GNB1: variants seen among roughly 807,000 people sequenced by gnomAD.
GNB1 encodes guanine nucleotide-binding protein G(I)/G(S)/G(T) subunit beta-1.
In GNB1, 2 loss-of-function variants were observed where a neutral mutation model predicts 42.9. The ratio of observed to expected loss-of-function variants is 0.05; its 90% CI spans 0.02 to 0.15. GNB1 has a LOEUF of 0.15. GNB1 is among the 10% of genes least tolerant of loss of function. GNB1 has a pLI of 1.00. For missense variants in GNB1, 193 were observed against 462.2 expected (o/e 0.42, Z 5.34); for synonymous variants, 183 against 174.7 (o/e 1.05, Z -0.38).
rs1210253984 is a variant in GNB1 at position 1,801,404 on chromosome 1, C to A, written c.430+3015G>T. Among the ~76,000 whole-genome samples the A allele has an allele frequency of 2.0e-5, 3 of 152,142 alleles. No homozygotes were observed. The East Asian group carries it at 5.8e-4, about 29-fold the overall frequency. ...AGAATGTTTAAAGTAAAGAATACAACAATGCATCATGGAGCTAATAACACA... is the reference window on the plus strand; with the variant it reads ...AGAATGTTTAAAGTAAAGAATACAAAAATGCATCATGGAGCTAATAACACA... On this transcript the variant is annotated intron_variant, in intron 7 of 11. Transcript: ENST00000378609.
At chr1:1,888,539 G>C (rs186193920) in intron 1 of GNB1, among the ~76,000 whole-genome samples, 1 of 152,236 alleles carries the variant, frequency 6.6e-6, no homozygotes, top group East Asian at 1.9e-4. Context: ...CTAATCGTTA[G>C]AAAGTTCTGC....
intron 1 of GNB1, among the ~76,000 whole-genome samples, chr1:1,843,643 G>A (rs1570702317): frequency 6.6e-6 from 1 of 152,206 alleles, no homozygotes; most frequent in East Asian, 1.9e-4. Context: ...GAGTTGTCTG[G>A]ACCCATTTCT....
At chr1:1,890,095 G>A (rs1172632788) in intron 1 of GNB1, among the ~76,000 whole-genome samples, 3 of 152,064 alleles carry the variant, frequency 2.0e-5, no homozygotes, top group Admixed American at 6.5e-5. Flanking sequence ...CCGGGCCGGG[G>A]TCCGCGCAAC....
At position 1,883,172 on chromosome 1, in the gene GNB1, T is replaced by C. The variant is rs374776898; in HGVS notation, c.-96+7648A>G. Among the ~76,000 whole-genome samples the C allele has an allele frequency of 2.5e-4, 38 of 149,094 alleles. 1 individual carries two copies. In the South Asian group the frequency reaches 3.8e-3, roughly 15 times the overall value. Reference sequence around the variant, plus strand: ...CCGTGGTCCTAGCTACTTGTGAGACTGAGAGAAGAAGATCGTATGAGCCCA... The same window carrying C: ...CCGTGGTCCTAGCTACTTGTGAGACCGAGAGAAGAAGATCGTATGAGCCCA... On this transcript the variant is annotated intron_variant, in intron 1 of 11. Transcript: ENST00000378609.
At chr1:1,830,321 C>G (rs540774418) in intron 2 of GNB1, among the ~76,000 whole-genome samples, 1 of 150,618 alleles carries the variant, frequency 6.6e-6, no homozygotes, top group African/African-American at 2.4e-5. Flanking sequence ...AGTGCAGTGG[C>G]GCGATCTCAG....
intron 1 of GNB1, among the ~76,000 whole-genome samples, chr1:1,869,101 G>A (rs1649105942): frequency 7.0e-6 from 1 of 142,160 alleles, no homozygotes. Flanking sequence ...CAGGAGAATG[G>A]CATGAACCCA....
chr1:1,799,761 G>C (rs566928524), intron 7 of GNB1, among the ~76,000 whole-genome samples: 1 of 152,188 alleles, frequency 6.6e-6, no homozygotes, highest in Admixed American at 6.5e-5. Flanking sequence ...TCTGAGGAGG[G>C]GACTGTCTGT....
intron 2 of GNB1, among the ~76,000 whole-genome samples, chr1:1,834,748 A>T (rs900749697): frequency 1.1e-4 from 16 of 148,916 alleles, no homozygotes; most frequent in African/African-American, 3.0e-4. Flanking sequence ...GGCTCAGTGC[A>T]ACCTCCGCCT....
chr1:1,871,378 T>C (rs1490484859), intron 1 of GNB1, among the ~76,000 whole-genome samples: 1 of 152,094 alleles, frequency 6.6e-6, no homozygotes, highest in Non-Finnish European at 1.5e-5. Flanking sequence ...GAGTATTGCT[T>C]GAACGTAGGA....
intron 2 of GNB1, among the ~76,000 whole-genome samples, chr1:1,836,574 A>G (rs1647153512): frequency 6.6e-6 from 1 of 150,404 alleles, no homozygotes; most frequent in Non-Finnish European, 1.5e-5. Context: ...TTTTTTGGAG[A>G]CAGTCTCGCT....
intron 1 of GNB1, among the ~76,000 whole-genome samples, chr1:1,845,132 A>G (rs981696863): frequency 6.6e-6 from 1 of 152,200 alleles, no homozygotes; most frequent in Non-Finnish European, 1.5e-5. Flanking sequence ...ATAAAAAGAT[A>G]ACAATACCTG....
chr1:1,839,840 C>T (rs1647201031), intron 1 of GNB1, among the ~76,000 whole-genome samples: 1 of 151,832 alleles, frequency 6.6e-6, no homozygotes, highest in South Asian at 2.1e-4. Flanking sequence ...GGTGACAGAG[C>T]AAGAATCTGT....
chr1:1,856,405 T>C (rs1648300546), intron 1 of GNB1, among the ~76,000 whole-genome samples: 1 of 152,164 alleles, frequency 6.6e-6, no homozygotes, highest in Non-Finnish European at 1.5e-5. Context: ...ATAACAGGCA[T>C]AAGCCACTGC....
At chr1:1,794,790 A>G (rs1355770367) in intron 7 of GNB1, among the ~76,000 whole-genome samples, 2 of 152,180 alleles carry the variant, frequency 1.3e-5, no homozygotes, top group Non-Finnish European at 2.9e-5. Flanking sequence ...TCCCAGGTCA[A>G]GCGATTCTCC....
At chr1:1,815,960 T>C (rs768586739) in intron 4 of GNB1, 98 bp from the exon 5 acceptor site, 1 of 737,862 alleles carries the variant, frequency 1.4e-6, no homozygotes, top group African/African-American at 1.7e-5. Flanking sequence ...CCACTGTGCC[T>C]ACCTCTTCCC....
intron 5 of GNB1, among the ~76,000 whole-genome samples, chr1:1,812,060 C>T (rs1406620773): frequency 8.1e-5 from 12 of 148,766 alleles, no homozygotes; most frequent in East Asian, 1.9e-4. Context: ...AGCGAGACTC[C>T]GTCTCAAAAA....
intron 5 of GNB1, among the ~76,000 whole-genome samples, chr1:1,807,473 A>AG: frequency 8.9e-6 from 1 of 112,206 alleles, no homozygotes; most frequent in Non-Finnish European, 2.1e-5. Flanking sequence ...GAAAAAAAAA[A>AG]AAAAAAAAAA....
At chr1:1,854,036 C>G (rs1391928317) in intron 1 of GNB1, among the ~76,000 whole-genome samples, 2 of 152,212 alleles carry the variant, frequency 1.3e-5, no homozygotes, top group African/African-American at 4.8e-5. Context: ...TGCCAGGCAC[C>G]ACAGCTCAGG....
At chr1:1,817,481 CTA>C (rs557218632) in intron 4 of GNB1, among the ~76,000 whole-genome samples, 212 of 152,224 alleles carry the variant, frequency 1.4e-3, no homozygotes, top group Middle Eastern at 3.4e-3. Context: ...TACAATAATT[CTA>C]TGTTTAACTT....
Sources: gnomAD v4.1 joint callset for allele counts (sites outside exome capture counted in the v4.1 genomes callset) on GRCh38, gnomAD v4.1.1 for gene constraint, MANE v1.5 for transcripts, NCBI Gene and HGNC (gene_info 2026-07-23, HGNC 2026-07-21) for gene names.